TRPM4: variants seen among roughly 807,000 people sequenced by gnomAD.
TRPM4 encodes the protein transient receptor potential cation channel subfamily M member 4, also known as calcium-activated non-selective cation channel 1.
A neutral mutation model predicts 135.6 loss-of-function variants in TRPM4; 124 were observed. The observed-to-expected ratio is 0.91, with a 90% CI of 0.79 to 1.06. The LOEUF (loss-of-function observed/expected upper bound fraction) is 1.06. TRPM4 is among the 50% of genes least tolerant of loss of function. TRPM4 has a pLI of 0.00. For synonymous variants in TRPM4, 745 were observed against 705.6 expected (o/e 1.06, Z -0.88); for missense variants, 1,658 against 1,671.4 (o/e 0.99, Z 0.14).
chr19:49,211,408 TTTC>T lies in TRPM4; in HGVS notation c.3641-80_3641-78del, dbSNP rs545803462. The stretch of plus-strand genomic sequence containing the variant: ...AGCCTTTTGTACTCTCGCCTTCGTC[TTTC>T]TTCTTTTTTGCCAGTCTCCCAGTTT... On this transcript the variant is annotated intron_variant, in intron 24 of 24. Coordinates refer to ENST00000252826, the MANE Select transcript of TRPM4 (RefSeq NM_017636.4). The surrounding 1 kb of genome is among the most constrained non-coding windows in gnomAD (Gnocchi z 4.8). The T allele has an allele frequency of 1.2e-3, 1,898 of 1,606,184 alleles. 4 individuals are homozygous for T. The highest frequency in any genetic ancestry group is 3.4e-3 in the South Asian group (308 of 90,970).
intron 13 of TRPM4, 36 bp downstream of exon 13, chr19:49,188,806 G>T: frequency 6.2e-7 from 1 of 1,613,262 alleles, no homozygotes; most frequent in Non-Finnish European, 8.5e-7. Flanking sequence ...CAGGGACGGG[G>T]GCTGCCGCCA....
chr19:49,210,993 G>C lies in TRPM4; in HGVS notation c.3462-22G>C, dbSNP rs770459244. On this transcript the variant is annotated intron_variant, in intron 22 of 24. Transcript: ENST00000252826. This position sits in a 1 kb window ranked among gnomAD's most constrained non-coding sequence, Gnocchi z 4.1. ...GGTGGGTGGGCTGCGGGTGCCCCCG[G>C]TAAGAGGCCCTCCCTTCTCAGGGTG... 6.2e-7 allele frequency: 1 copy of C among 1,612,984 alleles called. No homozygotes were observed. Among genetic ancestry groups the C allele is most frequent in the South Asian group, 1.1e-5 (1 of 90,876 alleles).
chr19:49,171,927 G>A lies in TRPM4; in HGVS notation c.1051-82G>A, dbSNP rs1163622223. ...GACTATTAGGTCCTGGAGGGGAATG[G>A]CCTCCTCCATCCCTTTGGACAGGGC... On this transcript the variant is annotated intron_variant, in intron 8 of 24. Coordinates refer to ENST00000252826, the MANE Select transcript of TRPM4 (RefSeq NM_017636.4). This position sits in a 1 kb window ranked among gnomAD's most constrained non-coding sequence, Gnocchi z 4.7. 2.2e-6 allele frequency: 3 copies of A among 1,384,830 alleles called. No individual in the cohort carries two copies. Among genetic ancestry groups the A allele is most frequent in the Non-Finnish European group, 3.1e-6 (3 of 972,788 alleles). 85.8% of individuals were successfully genotyped at this position (1,384,830 alleles called of 1,614,324 possible). A position where few individuals can be genotyped will look rare whatever the true frequency, so the allele number is the denominator to read the frequency against.
chr19:49,167,886 C>T lies in TRPM4; in HGVS notation c.268-31C>T, dbSNP rs1350273117. ...CGTCTCTCTGGGTCTCTGTCCCCCT[C>T]CCTGTGTGCCCCGCTCCCATGTGTC... On this transcript the variant is annotated intron_variant, in intron 3 of 24. Transcript: ENST00000252826. 3 of 1,607,444 alleles carry T rather than the reference C, an allele frequency of 1.9e-6. 1 individual carries two copies. Among genetic ancestry groups the T allele is most frequent in the South Asian group, 2.2e-5 (2 of 90,902 alleles).
chr19:49,176,862 A>G (rs1967714695), intron 9 of TRPM4, among the ~76,000 whole-genome samples: 1 of 152,112 alleles, frequency 6.6e-6, no homozygotes, highest in Admixed American at 6.5e-5. Context: ...AAAACAAACA[A>G]TCAAAAAGAA....
intron 9 of TRPM4, among the ~76,000 whole-genome samples, chr19:49,174,359 G>A (rs1047937254): frequency 3.3e-5 from 5 of 151,788 alleles, no homozygotes; most frequent in Middle Eastern, 3.2e-3. Flanking sequence ...CACCATGTTG[G>A]TCAGGCTGGC....
In TRPM4 at chr19:49,199,080, A is replaced by G. The variant is rs181181909; in HGVS notation, c.2646-1220A>G. 2.0e-5 allele frequency among the ~76,000 whole-genome samples: 3 copies of G among 152,162 alleles called. 1 individual carries two copies. Among genetic ancestry groups the G allele is most frequent in the Admixed American group, 2.0e-4 (3 of 15,280 alleles). ...GAGGCCATGCTCGACAATGCCTGAT[A>G]CTTTCACTCTAAAATGTAGCTCTCA... is the stretch of plus-strand genomic sequence containing the variant. On this transcript the variant is annotated intron_variant, in intron 17 of 24. Coordinates refer to ENST00000252826, the MANE Select transcript of TRPM4 (RefSeq NM_017636.4).
chr19:49,193,004 G>A (rs1056581370), intron 16 of TRPM4, among the ~76,000 whole-genome samples: 1 of 151,322 alleles, frequency 6.6e-6, no homozygotes, highest in Non-Finnish European at 1.5e-5. Context: ...TGATGATGAC[G>A]ACCTTGATAA....
rs1215204975 is a variant in TRPM4, at chr19:49,181,390, C to T, written c.1192C>T (p.Arg398Cys). Residue 398 changes from arginine to cysteine, a missense_variant, in exon 10 of 25, where the codon CGT (arginine) becomes TGT (cysteine). Around this residue, in one of 3 missense-constraint regions of TRPM4, gnomAD observed 1,412 missense variants for 1,408.7 expected, o/e 1.00. Coordinates refer to ENST00000252826, the MANE Select transcript of TRPM4 (RefSeq NM_017636.4). ...GGCCTCAGCCTACCTGGATGAGCTG[C>T]GTTTGGCTGTGGCTTGGAACCGCGT... is the stretch of plus-strand genomic sequence containing the variant. ...SEASAYLDEL[R>C]LAVAWNRVDI... 2 of 1,613,842 alleles carry T rather than the reference C, an allele frequency of 1.2e-6. No homozygotes were observed. Among genetic ancestry groups the T allele is most frequent in the Non-Finnish European group, 1.7e-6 (2 of 1,180,010 alleles).
At position 49,211,185 on chromosome 19, in the gene TRPM4, C is replaced by T. The variant is rs267605581; in HGVS notation, c.3556C>T (p.Leu1186=). 44 of 1,604,734 alleles carry T rather than the reference C, an allele frequency of 2.7e-5. No individual in the cohort carries two copies. Among genetic ancestry groups the T allele is most frequent in the Non-Finnish European group, 3.7e-5 (43 of 1,176,336 alleles). The part of the protein sequence containing the change: ...EREVQQCSRV[L]GWVAEALSRS... ...GCAGGTCCAGCAGTGTAGCCGCGTC[C>T]TGGGGTGGGTGGCCGAGGCCCTGAG... is the stretch of plus-strand genomic sequence containing the variant. Residue 1186 remains leucine, a synonymous_variant, in exon 24 of 25, where the codon CTG becomes TTG. Coordinates refer to ENST00000252826, the MANE Select transcript of TRPM4 (RefSeq NM_017636.4). The surrounding 1 kb of genome is among the most constrained non-coding windows in gnomAD (Gnocchi z 4.8).
intron 6 of TRPM4, among the ~76,000 whole-genome samples, chr19:49,170,240 G>T (rs1375075625): frequency 6.6e-6 from 1 of 152,098 alleles, no homozygotes; most frequent in Non-Finnish European, 1.5e-5. Flanking sequence ...ACAGGCTGGA[G>T]TGCAGTGGCG....
At chr19:49,191,437 C>A (rs1281481782) in intron 16 of TRPM4, among the ~76,000 whole-genome samples, 1 of 152,030 alleles carries the variant, frequency 6.6e-6, no homozygotes, top group African/African-American at 2.4e-5. Context: ...ACCTCCTGAC[C>A]TCAAGTGATC....
Position 49,171,519 on chromosome 19 carries a change from G to T in TRPM4, c.859-59G>T. The T allele has an allele frequency of 6.2e-7, 1 of 1,612,546 alleles. No individual in the cohort carries two copies. Among genetic ancestry groups the T allele is most frequent in the East Asian group, 2.2e-5 (1 of 44,854 alleles). On this transcript the variant is annotated intron_variant, in intron 7 of 24. Transcript: ENST00000252826. The surrounding 1 kb of genome is among the most constrained non-coding windows in gnomAD (Gnocchi z 4.7). ...GGAGGGTCTGGGGGTCTGACTCCGG[G>T]TAGGGTGAATATCCTGCCTTTTCTG...
At position 49,183,296 on chromosome 19, in the gene TRPM4, C is replaced by T. The variant is rs1968071860; in HGVS notation, c.1743+84C>T. The T allele has an allele frequency of 2.3e-5, 37 of 1,584,650 alleles. 1 individual carries two copies. In the South Asian group the frequency reaches 4.1e-4, roughly 18 times the overall value. ...TCCCGAAACAATTACCATACAATTCCCCGACCCCTGACGTCACCTGACAGG... is the reference window on the plus strand; with the variant it reads ...TCCCGAAACAATTACCATACAATTCTCCGACCCCTGACGTCACCTGACAGG... On this transcript the variant is annotated intron_variant, in intron 12 of 24. Coordinates refer to ENST00000252826, the MANE Select transcript of TRPM4 (RefSeq NM_017636.4).
rs370387978 is a variant in TRPM4, at chr19:49,168,102, C to T, written c.448+5C>T. ...TGCGGGCTGCCCAGAGCACAGGTGA[C>T]CGAGGGTGGGTGGGGGCTGTCTCCT... On this transcript the variant is annotated splice_donor_5th_base_variant and intron_variant, in intron 4 of 24. Coordinates refer to ENST00000252826, the MANE Select transcript of TRPM4 (RefSeq NM_017636.4). 6.2e-7 allele frequency: 1 copy of T among 1,600,536 alleles called. No homozygotes were observed. The highest frequency in any genetic ancestry group is 1.3e-5 in the African/African-American group (1 of 74,794).
chr19:49,166,376 G>T (rs1967180084), intron 3 of TRPM4, among the ~76,000 whole-genome samples, 161 bp downstream of exon 3: 1 of 152,094 alleles, frequency 6.6e-6, no homozygotes, highest in African/African-American at 2.4e-5. Flanking sequence ...CTCTGAGGGG[G>T]TCCCGTTCTC....
chr19:49,188,323 C>A (rs1350109793), intron 12 of TRPM4, among the ~76,000 whole-genome samples: 2 of 152,160 alleles, frequency 1.3e-5, no homozygotes, highest in Non-Finnish European at 2.9e-5. Context: ...ACTTCAGCCT[C>A]CCAACGTGCT....
At chr19:49,160,993 T>C (rs1190337619) in intron 2 of TRPM4, among the ~76,000 whole-genome samples, 1 of 151,974 alleles carries the variant, frequency 6.6e-6, no homozygotes, top group East Asian at 1.9e-4. Context: ...ACAGTGGGGC[T>C]GTCCCTGAGA....
chr19:49,198,765 C>CT (rs980451965), intron 17 of TRPM4, among the ~76,000 whole-genome samples: 8 of 148,644 alleles, frequency 5.4e-5, no homozygotes, highest in African/African-American at 2.0e-4. Flanking sequence ...CTCTTTCTTT[C>CT]TTTTTTTGTT....
Sources: gnomAD v4.1 joint callset for allele counts (sites outside exome capture counted in the v4.1 genomes callset) on GRCh38, gnomAD v4.1.1 for gene constraint, gnomAD v4.1.1 regional missense constraint, Gnocchi (gnomAD v3.1) non-coding constraint, MANE v1.5 for transcripts, NCBI Gene and HGNC (gene_info 2026-07-23, HGNC 2026-07-21) for gene names.